Variants in LIN52 observed in about 807,000 individuals in gnomAD.
The protein encoded by LIN52 is protein lin-52 homolog.
In LIN52, 4 loss-of-function variants were observed where a neutral mutation model predicts 18.5. That is an observed-to-expected ratio of 0.22 (90% confidence interval 0.11 to 0.49). LIN52 has a LOEUF of 0.49. Among genes scored for constraint, LIN52 ranks in the 20% least tolerant of loss-of-function variants. The pLI is 0.97. For synonymous variants in LIN52, 34 were observed against 45.5 expected, an observed-to-expected ratio of 0.75 and a Z score of 1.02; for missense variants, 102 against 139.5, an observed-to-expected ratio of 0.73 and a Z score of 1.35.
intron 5 of LIN52, among the ~76,000 whole-genome samples, chr14:74,188,661 A>C (rs1321838980): frequency 6.6e-6 from 1 of 151,796 alleles, no homozygotes; most frequent in Non-Finnish European, 1.5e-5. Flanking sequence ...TGGTGGCTTC[A>C]TTCCTTTGAC....
At chr14:74,164,987 A>G (rs56761745) in intron 5 of LIN52, among the ~76,000 whole-genome samples, 2,250 of 152,310 alleles carry the variant, frequency 0.015, 49 homozygotes, top group African/African-American at 0.051. Context: ...CCACGTTTCA[A>G]TATCTTAAGT....
intron 5 of LIN52, among the ~76,000 whole-genome samples, chr14:74,149,406 C>T (rs1012417295): frequency 1.3e-5 from 2 of 152,160 alleles, no homozygotes; most frequent in African/African-American, 4.8e-5. Context: ...AATATTCTGG[C>T]AGCTGTCTCC....
chr14:74,112,409 G>C (rs998464509), intron 5 of LIN52, among the ~76,000 whole-genome samples: 11 of 151,758 alleles, frequency 7.2e-5, no homozygotes, highest in African/African-American at 1.2e-4. Context: ...CGGTTCAAGC[G>C]ATTCTCCCAC....
intron 5 of LIN52, among the ~76,000 whole-genome samples, chr14:74,161,349 C>A (rs2061223891): frequency 1.3e-5 from 2 of 152,130 alleles, no homozygotes; most frequent in South Asian, 4.1e-4. Flanking sequence ...CCATGCCCAG[C>A]TAATTTTTGT....
chr14:74,131,008 C>G (rs10136598), intron 5 of LIN52, among the ~76,000 whole-genome samples: 34,048 of 151,056 alleles, frequency 0.23, 4,139 homozygotes, highest in South Asian at 0.46. Flanking sequence ...GCTGGTCTCC[C>G]ACTCCTGGGC....
At chr14:74,104,990 A>T (rs752258780) in intron 5 of LIN52, among the ~76,000 whole-genome samples, 7 of 152,166 alleles carry the variant, frequency 4.6e-5, no homozygotes, top group Non-Finnish European at 7.4e-5. Context: ...ATTGACTAGA[A>T]TTTTTCTAAA....
intron 5 of LIN52, among the ~76,000 whole-genome samples, chr14:74,188,033 C>G (rs559024705): frequency 6.6e-6 from 1 of 152,224 alleles, no homozygotes; most frequent in East Asian, 1.9e-4. Flanking sequence ...TATTAAACAA[C>G]AAAATAGTTT....
intron 1 of LIN52, among the ~76,000 whole-genome samples, chr14:74,087,737 C>G (rs1345701143): frequency 6.6e-6 from 1 of 151,988 alleles, no homozygotes; most frequent in Admixed American, 6.6e-5. Context: ...ACTCTTTTGT[C>G]TTTTTCGTGA....
In LIN52 at chr14:74,175,965, G is replaced by C. The variant is rs536005033; in HGVS notation, c.284-22957G>C. 6.6e-5 allele frequency among the ~76,000 whole-genome samples: 10 copies of C among 152,160 alleles called. No homozygotes were observed. The East Asian group carries it at 1.7e-3, about 26-fold the overall frequency. On this transcript the variant is annotated intron_variant, in intron 5 of 5. Coordinates refer to ENST00000555028, the MANE Select transcript of LIN52 (RefSeq NM_001024674.3). ...ACTGCACTCCTGCCTGGGTGACATAGTGAGGCCCAGTCTCTAAGACACAAA... is the reference window on the plus strand; with the variant it reads ...ACTGCACTCCTGCCTGGGTGACATACTGAGGCCCAGTCTCTAAGACACAAA...
At chr14:74,160,381 T>C (rs958423103) in intron 5 of LIN52, among the ~76,000 whole-genome samples, 2 of 152,228 alleles carry the variant, frequency 1.3e-5, no homozygotes, top group African/African-American at 4.8e-5. Flanking sequence ...TACCCTTCTC[T>C]CTATAGGAGT....
intron 5 of LIN52, among the ~76,000 whole-genome samples, chr14:74,181,098 A>G (rs1595189088): frequency 8.0e-6 from 1 of 125,548 alleles, no homozygotes; most frequent in East Asian, 2.1e-4. Context: ...ATGGAGCAAG[A>G]CTCTGTCTCA....
In LIN52 at chr14:74,177,919, A is replaced by G. The variant is rs551530984; in HGVS notation, c.284-21003A>G. Among the ~76,000 whole-genome samples the G allele has an allele frequency of 6.6e-5, 10 of 152,300 alleles. No individual in the cohort carries two copies. In the East Asian group the frequency reaches 1.7e-3, roughly 26 times the overall value. ...CAGCCTCCTGAGTAGCTGGGATTAC[A>G]GGCACCCGCCACCAGGCCTGGCTAA... On this transcript the variant is annotated intron_variant, in intron 5 of 5. Transcript: ENST00000555028.
At chr14:74,123,199 T>C (rs1000270341) in intron 5 of LIN52, among the ~76,000 whole-genome samples, 3 of 152,174 alleles carry the variant, frequency 2.0e-5, no homozygotes, top group Non-Finnish European at 4.4e-5. Flanking sequence ...TGGTGAGGAA[T>C]GAAAATAGCA....
chr14:74,126,954 A>AT (rs1160305093), intron 5 of LIN52, among the ~76,000 whole-genome samples: 1 of 152,252 alleles, frequency 6.6e-6, no homozygotes, highest in African/African-American at 2.4e-5. Flanking sequence ...ATATTATTAC[A>AT]TAGTGTCACC....
At chr14:74,091,497 G>A (rs190303411) in intron 2 of LIN52, among the ~76,000 whole-genome samples, 191 bp downstream of exon 2, 1 of 152,214 alleles carries the variant, frequency 6.6e-6, no homozygotes, top group East Asian at 1.9e-4. Context: ...GGCTGAGCTT[G>A]TTGGCTCATG....
chr14:74,112,835 T>G (rs1486641053), intron 5 of LIN52, among the ~76,000 whole-genome samples: 1 of 152,048 alleles, frequency 6.6e-6, no homozygotes, highest in Admixed American at 6.6e-5. Flanking sequence ...ATAAGACAAC[T>G]AAGGTAAATG....
At chr14:74,114,994 C>A (rs1418965422) in intron 5 of LIN52, among the ~76,000 whole-genome samples, 2 of 152,146 alleles carry the variant, frequency 1.3e-5, no homozygotes, top group African/African-American at 2.4e-5. Flanking sequence ...GTTGTTATGG[C>A]CTCTCTATAC....
intron 5 of LIN52, among the ~76,000 whole-genome samples, chr14:74,165,513 CTTTTTTTT>C (rs71460962): frequency 9.1e-6 from 1 of 110,262 alleles, no homozygotes; most frequent in Non-Finnish European, 1.8e-5. Context: ...GTTTTCTTTT[CTTTTTTTT>C]TTTTTTTGAG....
chr14:74,109,006 GTTTTC>G (rs2060912443), intron 5 of LIN52, among the ~76,000 whole-genome samples: 2 of 152,010 alleles, frequency 1.3e-5, no homozygotes, highest in African/African-American at 4.8e-5. Context: ...TTATGCCTGT[GTTTTC>G]TTTTAAGAGT....
Sources: gnomAD v4.1 joint callset for allele counts (sites outside exome capture counted in the v4.1 genomes callset) on GRCh38, gnomAD v4.1.1 for gene constraint, MANE v1.5 for transcripts, NCBI Gene and HGNC (gene_info 2026-07-23, HGNC 2026-07-21) for gene names.